Variants in INTS6L observed in about 807,000 individuals in gnomAD.
INTS6L encodes integrator complex subunit 6 like, also known as integrator complex subunit 6-like.
INTS6L carries 18 observed loss-of-function variants against 64.7 expected under a neutral mutation model. The ratio of observed to expected loss-of-function variants is 0.28; its 90% confidence interval spans 0.19 to 0.41. INTS6L has a LOEUF of 0.41. Among genes scored for constraint, INTS6L ranks in the 10% least tolerant of loss-of-function variants. INTS6L has a pLI of 1.00. For synonymous variants in INTS6L, 227 were observed against 235.9 expected, an observed-to-expected ratio of 0.96 and a Z score of 0.34; for missense variants, 533 against 661.0, an observed-to-expected ratio of 0.81 and a Z score of 2.12.
intron 2 of INTS6L, among the ~76,000 whole-genome samples, chrX:135,533,506 AAGCCC>A (rs2085963472): frequency 9.0e-6 from 1 of 111,295 alleles, no homozygotes; most frequent in Non-Finnish European, 1.9e-5. Flanking sequence ...CCTATGTGTT[AAGCCC>A]AGCATCCATT....
chrX:135,560,899 A>T (rs1255586687), intron 9 of INTS6L, among the ~76,000 whole-genome samples: 9 of 109,724 alleles, frequency 8.2e-5, no homozygotes, highest in Non-Finnish European at 1.7e-4. Context: ...AGTTTTAAAA[A>T]ATCATAAATA....
At chrX:135,568,681 C>T (rs782420596) in intron 9 of INTS6L, among the ~76,000 whole-genome samples, 31 of 110,897 alleles carry the variant, frequency 2.8e-4, no homozygotes, top group African/African-American at 9.2e-4. Context: ...TCCCCAGCTA[C>T]AGGCATATGC....
At position 135,523,269 on chromosome X, in the gene INTS6L, G is replaced by C. The variant is rs191706653; in HGVS notation, c.189+1951G>C. ...AAAAAAAAAACGGCCGGATGTGGTGGCGGGCGCCTGTAATCCCAGCTACGC... is the reference window on the plus strand; with the variant it reads ...AAAAAAAAAACGGCCGGATGTGGTGCCGGGCGCCTGTAATCCCAGCTACGC... On this transcript the variant is annotated intron_variant, in intron 2 of 17. Coordinates refer to ENST00000639893, the MANE Select transcript of INTS6L (RefSeq NM_001351601.3). 2.7e-3 allele frequency among the ~76,000 whole-genome samples: 296 copies of C among 109,510 alleles called. 1 individual carries two copies. The highest frequency in any genetic ancestry group is 9.0e-3 in the African/African-American group (269 of 29,960).
In INTS6L at chrX:135,524,450, G is replaced by GTT. The variant is rs201991290; in HGVS notation, c.189+3143_189+3144dup. 1.1e-4 allele frequency among the ~76,000 whole-genome samples: 11 copies of GTT among 101,723 alleles called. No homozygotes were observed. The East Asian group carries it at 1.5e-3, about 14-fold the overall frequency. 88.3% of individuals were successfully genotyped at this position (101,723 alleles called of 115,157 possible). Reference sequence around the variant, plus strand: ...GCTTATACTTTTGCAGAATATGAGTGTTTTTTTTTTTTATTTCTCTAAGGT... The same window carrying GTT: ...GCTTATACTTTTGCAGAATATGAGTGTTTTTTTTTTTTTTATTTCTCTAAGGT... On this transcript the variant is annotated intron_variant, in intron 2 of 17. Coordinates refer to ENST00000639893, the MANE Select transcript of INTS6L (RefSeq NM_001351601.3).
At position 135,532,304 on chromosome X, in the gene INTS6L, A is replaced by T. The variant is rs185366443; in HGVS notation, c.189+10986A>T. 2.7e-5 allele frequency among the ~76,000 whole-genome samples: 3 copies of T among 112,596 alleles called. No homozygotes were observed. In the East Asian group the frequency reaches 8.4e-4, roughly 31 times the overall value. ...TTTCTTGAAGGAGGATGTTGGCGAT[A>T]TGCAGAGCAAAGCTCTCCACTTTTC... is the stretch of plus-strand genomic sequence containing the variant. On this transcript the variant is annotated intron_variant, in intron 2 of 17. Coordinates refer to ENST00000639893, the MANE Select transcript of INTS6L (RefSeq NM_001351601.3).
intron 2 of INTS6L, among the ~76,000 whole-genome samples, chrX:135,545,150 C>G (rs1045324167): frequency 1.8e-5 from 2 of 112,096 alleles, no homozygotes; most frequent in African/African-American, 6.5e-5. Context: ...TTTGGTTGAG[C>G]CTGAACAGAA....
In INTS6L at chrX:135,544,742, A is replaced by G. The variant is rs147680737; in HGVS notation, c.190-681A>G. Reference sequence around the variant, plus strand: ...ATTCTACAAACCAATCAATCACAGCATGTTGGCTGTTGACCTTGGATCTTT... The same window carrying G: ...ATTCTACAAACCAATCAATCACAGCGTGTTGGCTGTTGACCTTGGATCTTT... On this transcript the variant is annotated intron_variant, in intron 2 of 17. Transcript: ENST00000639893. Among the ~76,000 whole-genome samples, 869 of 112,162 alleles carry G rather than the reference A, an allele frequency of 7.7e-3. 8 individuals are homozygous for G. The highest frequency in any genetic ancestry group is 0.027 in the African/African-American group (824 of 30,877).
chrX:135,553,431 G>A (rs1443521634), intron 8 of INTS6L, among the ~76,000 whole-genome samples: 1 of 108,123 alleles, frequency 9.2e-6, no homozygotes, highest in African/African-American at 3.4e-5. Flanking sequence ...GCCCCCCACA[G>A]AGGAGCTAGG....
At chrX:135,581,244 C>G in intron 17 of INTS6L, 101 bp downstream of exon 17, 1 of 629,998 alleles carries the variant, frequency 1.6e-6, no homozygotes, top group Non-Finnish European at 2.3e-6. Context: ...TTGCTTTTTT[C>G]TCAAACCCTG....
intron 2 of INTS6L, among the ~76,000 whole-genome samples, chrX:135,541,472 C>G (rs1556512773): frequency 1.8e-5 from 2 of 112,238 alleles, no homozygotes; most frequent in African/African-American, 6.5e-5. Flanking sequence ...GCATTCTATA[C>G]TTACATCACA....
At position 135,578,961 on chromosome X, in the gene INTS6L, A is replaced by G. The variant is rs56026925; in HGVS notation, c.2120-827A>G. 5.5e-3 allele frequency among the ~76,000 whole-genome samples: 614 copies of G among 111,572 alleles called. 2 individuals carry two copies. The highest frequency in any genetic ancestry group is 7.6e-3 in the Non-Finnish European group (405 of 53,033). On this transcript the variant is annotated intron_variant, in intron 15 of 17. Coordinates refer to ENST00000639893, the MANE Select transcript of INTS6L (RefSeq NM_001351601.3). ...GGACCCTGAACCAGCTTTAGTCTGC[A>G]AGACTGCACGGCTGGCCTCTGTCAC...
rs782820315 is a variant in INTS6L at position 135,552,004 on chromosome X, C to A, written c.917C>A (p.Thr306Lys). The A allele has an allele frequency of 2.6e-6, 3 of 1,163,399 alleles. No individual in the cohort carries two copies. The highest frequency in any genetic ancestry group is 3.4e-6 in the Non-Finnish European group (3 of 874,756). Residue 306 changes from threonine to lysine, a missense_variant, in exon 8 of 18, where the codon ACA becomes AAA. By Grantham distance (78) the Thr-to-Lys change is moderately conservative. Transcript: ENST00000639893. ...DQNLPSLPPR[T>K]SHPVVRFSCV... The stretch of plus-strand genomic sequence containing the variant: ...AAAAATTTTTTTTAGCCTCCACGAA[C>A]ATCTCATCCTGTTGTGAGGTTCTCC...
chrX:135,521,376 G>T (rs1322913171), intron 2 of INTS6L, 58 bp downstream of exon 2: 1 of 1,113,285 alleles, frequency 9.0e-7, no homozygotes, highest in Non-Finnish European at 1.2e-6. Flanking sequence ...GGCGGGGGCT[G>T]CTTACCCCCC....
intron 8 of INTS6L, 146 bp downstream of exon 8, chrX:135,552,292 G>A (rs1442682983): frequency 1.2e-5 from 7 of 606,178 alleles, no homozygotes; most frequent in Non-Finnish European, 1.4e-5. Context: ...TAAGCAACAG[G>A]GCCAGGCAAA....
chrX:135,526,575 G>C (rs1556501294), intron 2 of INTS6L, among the ~76,000 whole-genome samples: 4 of 111,644 alleles, frequency 3.6e-5, no homozygotes. Context: ...TTTGTCCGTC[G>C]GCTTTTTCCC....
At chrX:135,532,414 C>T (rs2085935158) in intron 2 of INTS6L, among the ~76,000 whole-genome samples, 1 of 112,380 alleles carries the variant, frequency 8.9e-6, no homozygotes, top group South Asian at 3.7e-4. Context: ...TAGATTTAGG[C>T]TATAGCTAGG....
At chrX:135,553,459 C>T (rs908176910) in intron 8 of INTS6L, among the ~76,000 whole-genome samples, 4 of 105,696 alleles carry the variant, frequency 3.8e-5, no homozygotes, top group African/African-American at 1.4e-4. Flanking sequence ...GCACACACCA[C>T]AATTCCTGGC....
chrX:135,528,711 A>G (rs182685285), intron 2 of INTS6L, among the ~76,000 whole-genome samples: 112 of 111,818 alleles, frequency 1.0e-3, no homozygotes, highest in Non-Finnish European at 1.8e-3. Context: ...CAATGTGGTG[A>G]GTTGAAAATT....
At chrX:135,577,044 TG>T in intron 14 of INTS6L, 148 bp from the exon 15 acceptor site, 1 of 554,920 alleles carries the variant, frequency 1.8e-6, no homozygotes, top group Non-Finnish European at 2.8e-6. Flanking sequence ...TTAGTTAATC[TG>T]GCATGGGATT....
Sources: gnomAD v4.1 joint callset for allele counts (sites outside exome capture counted in the v4.1 genomes callset) on GRCh38, gnomAD v4.1.1 for gene constraint, MANE v1.5 for transcripts, NCBI Gene and HGNC (gene_info 2026-07-23, HGNC 2026-07-21) for gene names.